The following KLHL20 variants were observed in gnomAD, a reference collection of about 807,000 sequenced individuals.
The protein encoded by KLHL20 is kelch like family member 20.
KLHL20 carries 29 observed loss-of-function variants against 69.5 expected under a neutral mutation model. The observed-to-expected ratio is 0.42, with a 90% confidence interval of 0.31 to 0.57. The LOEUF (loss-of-function observed/expected upper bound fraction) is 0.57. KLHL20 is among the 20% of genes least tolerant of loss of function. KLHL20 has a pLI of 0.18. For synonymous variants in KLHL20, 253 were observed against 265.2 expected (o/e 0.95, Z 0.45); for missense variants, 419 against 776.0 (o/e 0.54, Z 5.47).
intron 3 of KLHL20, among the ~76,000 whole-genome samples, chr1:173,735,211 T>C (rs1028588489): frequency 1.3e-5 from 2 of 152,158 alleles, no homozygotes; most frequent in African/African-American, 4.8e-5. Flanking sequence ...TTTGGGAGGC[T>C]GAGGCGGGCA....
intron 3 of KLHL20, among the ~76,000 whole-genome samples, chr1:173,744,371 A>C (rs1017163765): frequency 1.3e-5 from 2 of 152,102 alleles, no homozygotes; most frequent in Non-Finnish European, 2.9e-5. Context: ...AAAGTTCTCT[A>C]TATATTAACA....
At chr1:173,775,161 A>G (rs1349393367) in intron 9 of KLHL20, among the ~76,000 whole-genome samples, 1 of 152,094 alleles carries the variant, frequency 6.6e-6, no homozygotes, top group South Asian at 2.1e-4. Context: ...TTGCCTAAGG[A>G]TATTGTCAAT....
At position 173,719,104 on chromosome 1, in the gene KLHL20, C is replaced by CAAAA. The variant is rs751845202; in HGVS notation, c.23+3046_23+3049dup. ...TGGGCTAAACAGCGGGACTCCGTCT[C>CAAAA]AAAAAAAAAAAGAAAAATTATTTTG... is the stretch of plus-strand genomic sequence containing the variant. On this transcript the variant is annotated intron_variant, in intron 2 of 11. Transcript: ENST00000209884. 4.7e-5 allele frequency among the ~76,000 whole-genome samples: 5 copies of CAAAA among 106,170 alleles called. 1 individual carries two copies. Among genetic ancestry groups the CAAAA allele is most frequent in the African/African-American group, 9.2e-5 (2 of 21,772 alleles). 69.7% of individuals were successfully genotyped at this position (106,170 alleles called of 152,430 possible).
intron 3 of KLHL20, among the ~76,000 whole-genome samples, chr1:173,742,690 GTA>G (rs907065318): frequency 1.3e-5 from 2 of 150,402 alleles, no homozygotes; most frequent in Non-Finnish European, 1.5e-5. Context: ...TATATCGTAT[GTA>G]TATGTGTACA....
intron 6 of KLHL20, 77 bp downstream of exon 6, chr1:173,756,115 C>T (rs1459584272): frequency 9.9e-7 from 1 of 1,008,602 alleles, no homozygotes; most frequent in Non-Finnish European, 1.5e-6. Context: ...ATCCTTTGGA[C>T]AATTATGATA....
At chr1:173,742,703 T>C (rs1338334185) in intron 3 of KLHL20, among the ~76,000 whole-genome samples, 1 of 151,022 alleles carries the variant, frequency 6.6e-6, no homozygotes, top group Non-Finnish European at 1.5e-5. Flanking sequence ...TATGTGTACA[T>C]ATACATATGT....
chr1:173,728,226 C>A (rs550464539), intron 2 of KLHL20, among the ~76,000 whole-genome samples: 88 of 152,276 alleles, frequency 5.8e-4, no homozygotes, highest in Middle Eastern at 3.4e-3. Flanking sequence ...AATACAGGAG[C>A]ATCCAGATTC....
chr1:173,734,700 A>G (rs529307890), intron 3 of KLHL20, among the ~76,000 whole-genome samples: 1 of 152,280 alleles, frequency 6.6e-6, no homozygotes, highest in South Asian at 2.1e-4. Flanking sequence ...ATCTGAAAAG[A>G]TGAGTTTAGA....
At chr1:173,726,337 A>T (rs970570377) in intron 2 of KLHL20, among the ~76,000 whole-genome samples, 1 of 152,068 alleles carries the variant, frequency 6.6e-6, no homozygotes, top group African/African-American at 2.4e-5. Context: ...ATAGCCAAAA[A>T]AAAAAAGGCA....
At chr1:173,724,456 A>G (rs1246704383) in intron 2 of KLHL20, among the ~76,000 whole-genome samples, 2 of 152,246 alleles carry the variant, frequency 1.3e-5, no homozygotes, top group African/African-American at 2.4e-5. Context: ...CATTAAAAGC[A>G]ATTAGTAAAT....
At chr1:173,747,184 T>C (rs564484178) in intron 3 of KLHL20, among the ~76,000 whole-genome samples, 2 of 152,178 alleles carry the variant, frequency 1.3e-5, no homozygotes, top group Admixed American at 6.5e-5. Context: ...TCTCATAATA[T>C]AGTATTTGAT....
chr1:173,778,831 ATTTT>A (rs1468570851), intron 10 of KLHL20, among the ~76,000 whole-genome samples: 1 of 151,740 alleles, frequency 6.6e-6, no homozygotes, highest in Non-Finnish European at 1.5e-5. Flanking sequence ...TTCATCTCTG[ATTTT>A]ATTTATTTGG....
At chr1:173,735,017 TA>T (rs1672459224) in intron 3 of KLHL20, among the ~76,000 whole-genome samples, 1 of 152,050 alleles carries the variant, frequency 6.6e-6, no homozygotes, top group African/African-American at 2.4e-5. Flanking sequence ...CCCAAGACAT[TA>T]AAAAGCATCA....
intron 8 of KLHL20, among the ~76,000 whole-genome samples, chr1:173,773,460 T>A (rs578253621): frequency 3.2e-4 from 48 of 150,542 alleles, no homozygotes; most frequent in East Asian, 1.6e-3. Flanking sequence ...TTAATTAAAA[T>A]TTTTTTAAAT....
In KLHL20 at chr1:173,731,915, C is replaced by T. The variant is rs999419170; in HGVS notation, c.24-1798C>T. 5.9e-5 allele frequency among the ~76,000 whole-genome samples: 9 copies of T among 152,074 alleles called. No homozygotes were observed. The East Asian group carries it at 9.7e-4, about 16-fold the overall frequency. On this transcript the variant is annotated intron_variant, in intron 2 of 11. Coordinates refer to ENST00000209884, the MANE Select transcript of KLHL20 (RefSeq NM_014458.4). Reference sequence around the variant, plus strand: ...ATATAATAAAAATAAAAACCAATAACGGCTGGGCACAGTGGCTCATACCTG... The same window carrying T: ...ATATAATAAAAATAAAAACCAATAATGGCTGGGCACAGTGGCTCATACCTG...
chr1:173,738,447 GGCATGAGCCACT>G (rs1672640393), intron 3 of KLHL20, among the ~76,000 whole-genome samples: 1 of 152,142 alleles, frequency 6.6e-6, no homozygotes, highest in African/African-American at 2.4e-5. Flanking sequence ...TGGGAGTACA[GGCATGAGCCACT>G]GCACCTGGTC....
intron 5 of KLHL20, among the ~76,000 whole-genome samples, chr1:173,754,584 C>CAA (rs576521460): frequency 1.1e-3 from 64 of 60,534 alleles, no homozygotes; most frequent in African/African-American, 2.0e-3. Context: ...AACTCAGTCT[C>CAA]AAAAAAAAAA....
At chr1:173,716,483 A>G (rs1045375505) in intron 2 of KLHL20, among the ~76,000 whole-genome samples, 1 of 152,148 alleles carries the variant, frequency 6.6e-6, no homozygotes, top group Admixed American at 6.5e-5. Context: ...TTGATGTTCA[A>G]TCATACATTT....
rs377138582 is a variant in KLHL20, at chr1:173,740,123, CT to C, written c.597+5852del. On this transcript the variant is annotated intron_variant, in intron 3 of 11. Coordinates refer to ENST00000209884, the MANE Select transcript of KLHL20 (RefSeq NM_014458.4). ...CTCTGATCTTTATCATTTCTTTTTT[CT>C]TTTTTTTTTTTTTTAATGATGGAGT... Among the ~76,000 whole-genome samples the C allele has an allele frequency of 3.3e-3, 400 of 122,094 alleles. 1 individual carries two copies. Among genetic ancestry groups the C allele is most frequent in the Non-Finnish European group, 4.6e-3 (261 of 56,314 alleles). 80.1% of individuals were successfully genotyped at this position (122,094 alleles called of 152,430 possible). A position where few individuals can be genotyped will look rare whatever the true frequency, so the allele number is the denominator to read the frequency against.
Sources: allele counts gnomAD v4.1 joint callset (sites outside exome capture counted in the v4.1 genomes callset), GRCh38; gene constraint gnomAD v4.1.1; transcripts MANE v1.5; gene names NCBI Gene and HGNC (gene_info 2026-07-23, HGNC 2026-07-21).